FKBP14: variants seen among roughly 807,000 people sequenced by gnomAD.
The protein encoded by FKBP14 is peptidyl-prolyl cis-trans isomerase FKBP14.
FKBP14 carries 20 observed loss-of-function variants against 21.6 expected under a neutral mutation model. That is an observed-to-expected ratio of 0.92 (90% confidence interval 0.65 to 1.34). The LOEUF (loss-of-function observed/expected upper bound fraction) is 1.34, where lower values mean the gene tolerates loss of function less well. Among genes scored for constraint, FKBP14 ranks in the 40% most tolerant of loss-of-function variants. FKBP14 has a pLI of 0.00. For synonymous variants in FKBP14, 79 were observed against 86.7 expected (o/e 0.91, Z 0.49); for missense variants, 253 against 249.0 (o/e 1.02, Z -0.11).
At position 30,010,763 on chromosome 7, in the gene FKBP14, C is replaced by T. The variant is rs1789702392; in HGVS notation, c.*3972G>A. 1 of 152,130 alleles carries T rather than the reference C, an allele frequency of 6.6e-6. No homozygotes were observed. The highest frequency in any genetic ancestry group is 2.4e-5 in the African/African-American group (1 of 41,424). The allele number at this position is 152,130 out of a possible 1,614,324, so 9.4% of individuals were successfully genotyped here. A position where few individuals can be genotyped will look rare whatever the true frequency, so the allele number is the denominator to read the frequency against. ...AGATTATAATGGAGTTGAAAAATTC[C>T]TGTCACCTGCTAGGGATGTCTTGAT... On this transcript the variant is annotated 3_prime_UTR_variant, in exon 4 of 4. Coordinates refer to ENST00000222803, the MANE Select transcript of FKBP14 (RefSeq NM_017946.4).
intron 3 of FKBP14, among the ~76,000 whole-genome samples, chr7:30,017,626 C>G (rs1327668801): frequency 6.6e-6 from 1 of 151,842 alleles, no homozygotes; most frequent in Non-Finnish European, 1.5e-5. Context: ...CCAGGTTGGT[C>G]TTGAAGTCTC....
chr7:30,025,528 A>C (rs1790150063), intron 1 of FKBP14: 1 of 152,222 alleles, frequency 6.6e-6, no homozygotes, highest in African/African-American at 2.4e-5. Context: ...AAAATTTCTG[A>C]ATCTTCCTAG....
chr7:30,021,005 C>T (rs1790017192), intron 2 of FKBP14, among the ~76,000 whole-genome samples: 1 of 152,198 alleles, frequency 6.6e-6, no homozygotes, highest in Admixed American at 6.5e-5. Context: ...AATCCTGACT[C>T]CTCACTTTTG....
rs947324454 is a variant in FKBP14, at chr7:30,014,743, C to T, written c.628G>A (p.Glu210Lys). The T allele has an allele frequency of 1.3e-6, 2 of 1,594,716 alleles. No homozygotes were observed. Among genetic ancestry groups the T allele is most frequent in the African/African-American group, 1.3e-5 (1 of 74,328 alleles). ...SAREFTYKHD[E>K]L The stretch of plus-strand genomic sequence containing the variant: ...AAAGGGTAGATGTATCTCTATAACT[C>T]ATCGTGTTTATATGTAAATTCTCTG... Residue 210 changes from glutamate to lysine, a missense_variant, in exon 4 of 4, where the codon GAG (glutamate) becomes AAG (lysine). By Grantham distance (56) the Glu-to-Lys change is moderately conservative. Coordinates refer to ENST00000222803, the MANE Select transcript of FKBP14 (RefSeq NM_017946.4).
chr7:30,017,842 A>G (rs1202541713), intron 3 of FKBP14, among the ~76,000 whole-genome samples: 1 of 151,980 alleles, frequency 6.6e-6, no homozygotes, highest in African/African-American at 2.4e-5. Flanking sequence ...GTGAAACCCC[A>G]TCTCTACTAA....
chr7:30,007,908 G>A (rs1789644321), downstream of FKBP14, among the ~76,000 whole-genome samples: 1 of 152,094 alleles, frequency 6.6e-6, no homozygotes, highest in Admixed American at 6.6e-5. Context: ...AATTAGCCGG[G>A]CACGCTGGCA....
intron 1 of FKBP14, among the ~76,000 whole-genome samples, chr7:30,023,142 A>T (rs558058055): frequency 1.3e-5 from 2 of 152,210 alleles, no homozygotes; most frequent in South Asian, 4.1e-4. Flanking sequence ...TAACCCTTAC[A>T]ATAAGTCTAT....
rs1489217006 is a variant in FKBP14, at chr7:30,013,056, C to T, written c.*1679G>A. The stretch of plus-strand genomic sequence containing the variant: ...ACCAGCTTGTTTTATGACTCAGAGC[C>T]ATGAAAAGCGAAGATAATAATGCAC... On this transcript the variant is annotated 3_prime_UTR_variant, in exon 4 of 4. Coordinates refer to ENST00000222803, the MANE Select transcript of FKBP14 (RefSeq NM_017946.4). The T allele has an allele frequency of 4.6e-5, 7 of 151,760 alleles. No homozygotes were observed. Among genetic ancestry groups the T allele is most frequent in the African/African-American group, 1.7e-4 (7 of 41,296 alleles). 9.4% of individuals were successfully genotyped at this position (151,760 alleles called of 1,614,324 possible). A position where few individuals can be genotyped will look rare whatever the true frequency, so the allele number is the denominator to read the frequency against.
rs1789768167 is a variant in FKBP14 at position 30,012,554 on chromosome 7, C to CT, written c.*2180dup. The CT allele has an allele frequency of 6.6e-6, 1 of 152,138 alleles. No homozygotes were observed. Among genetic ancestry groups the CT allele is most frequent in the Non-Finnish European group, 1.5e-5 (1 of 68,016 alleles). 9.4% of individuals were successfully genotyped at this position (152,138 alleles called of 1,614,324 possible). On this transcript the variant is annotated 3_prime_UTR_variant, in exon 4 of 4. Coordinates refer to ENST00000222803, the MANE Select transcript of FKBP14 (RefSeq NM_017946.4). Reference sequence around the variant, plus strand: ...TGTTACAGTATAGTCTTGTTAAGAACTTTATGTTTTACTGAGGAAAATGTC... The same window carrying CT: ...TGTTACAGTATAGTCTTGTTAAGAACTTTTATGTTTTACTGAGGAAAATGTC...
At chr7:30,022,428 G>T in intron 2 of FKBP14, 1 of 393,576 alleles carries the variant, frequency 2.5e-6, no homozygotes. Flanking sequence ...TTTGTGAACA[G>T]TATTAATAGA....
intron 1 of FKBP14, among the ~76,000 whole-genome samples, chr7:30,023,339 C>T (rs1790084023): frequency 6.6e-6 from 1 of 152,130 alleles, no homozygotes; most frequent in Admixed American, 6.5e-5. Context: ...GATTGAAAGG[C>T]TAAGGAGAAT....
chr7:30,006,145 G>C (rs56245200), downstream of FKBP14, among the ~76,000 whole-genome samples: 547 of 145,458 alleles, frequency 3.8e-3, 2 homozygotes, highest in Non-Finnish European at 5.7e-3. Context: ...TTTTAAGATA[G>C]GGGTCTCCCT....
intron 2 of FKBP14, among the ~76,000 whole-genome samples, chr7:30,020,714 G>A (rs1369086132): frequency 6.6e-6 from 1 of 151,992 alleles, no homozygotes. Context: ...GTTGACCACA[G>A]GTAACTAAAA....
rs1392059116 is a variant in FKBP14, at chr7:30,022,688, A to G, written c.326T>C (p.Leu109Pro). 1 of 1,613,904 alleles carries G rather than the reference A, an allele frequency of 6.2e-7. No homozygotes were observed. The highest frequency in any genetic ancestry group is 8.5e-7 in the Non-Finnish European group (1 of 1,179,978). Residue 109 changes from leucine (L) to proline (P), a missense_variant, in exon 2 of 4, where the codon CTG (leucine) becomes CCG (proline). Transcript: ENST00000222803. Reference protein sequence around the residue: ...EKRKLIIPPALGYGKEGKGKI... With the variant: ...EKRKLIIPPAPGYGKEGKGKI... The stretch of plus-strand genomic sequence containing the variant: ...ACCTTTTCCTTCTTTTCCATAGCCC[A>G]GAGCAGGAGGAATGATGAGCTTTCT...
At chr7:30,017,692 A>G (rs957999024) in intron 3 of FKBP14, among the ~76,000 whole-genome samples, 2 of 152,094 alleles carry the variant, frequency 1.3e-5, no homozygotes, top group Non-Finnish European at 2.9e-5. Flanking sequence ...TACAAGTGTG[A>G]GCCACCTCAC....
rs1789709254 is a variant in FKBP14, at chr7:30,011,034, A to C, written c.*3701T>G. The C allele has an allele frequency of 6.6e-6, 1 of 152,016 alleles. No individual in the cohort carries two copies. The allele number at this position is 152,016 out of a possible 1,614,324, so 9.4% of individuals were successfully genotyped here. On this transcript the variant is annotated 3_prime_UTR_variant, in exon 4 of 4. Transcript: ENST00000222803. Reference sequence around the variant, plus strand: ...GGTTAGTTTTTTATTATTTCTATAAAAATTATAGAATTTTTTTTTTTGAGA... The same window carrying C: ...GGTTAGTTTTTTATTATTTCTATAACAATTATAGAATTTTTTTTTTTGAGA...
chr7:30,021,374 A>G (rs1394514440), intron 2 of FKBP14, among the ~76,000 whole-genome samples: 1 of 152,196 alleles, frequency 6.6e-6, no homozygotes, highest in African/African-American at 2.4e-5. Flanking sequence ...TGCCATTTTA[A>G]ATAACTGGGC....
intron 3 of FKBP14, among the ~76,000 whole-genome samples, chr7:30,015,730 A>G (rs1178387454): frequency 2.7e-5 from 4 of 146,984 alleles, no homozygotes; most frequent in Non-Finnish European, 6.0e-5. Context: ...GGTTCACGCC[A>G]TTCTCCTGCC....
intron 2 of FKBP14, among the ~76,000 whole-genome samples, chr7:30,020,564 TAA>T (rs776819349): frequency 2.1e-4 from 32 of 152,342 alleles, no homozygotes; most frequent in Admixed American, 6.5e-4. Flanking sequence ...ATATCTGTGA[TAA>T]AGTTTAATTT....
Sources: allele counts gnomAD v4.1 joint callset (sites outside exome capture counted in the v4.1 genomes callset), GRCh38; gene constraint gnomAD v4.1.1; transcripts MANE v1.5; gene names NCBI Gene and HGNC (gene_info 2026-07-23, HGNC 2026-07-21).